CYP19A1: variants seen among roughly 807,000 people sequenced by gnomAD.
The protein encoded by CYP19A1 is aromatase.
In CYP19A1, 32 loss-of-function variants were observed where a neutral mutation model predicts 44.4. The ratio of observed to expected loss-of-function variants is 0.72; its 90% CI spans 0.54 to 0.97. The LOEUF (loss-of-function observed/expected upper bound fraction) is 0.97. CYP19A1 is among the 50% of genes least tolerant of loss of function. The pLI is 0.00. For synonymous variants in CYP19A1, 212 were observed against 215.6 expected (o/e 0.98, Z 0.14); for missense variants, 598 against 637.8 (o/e 0.94, Z 0.67).
At chr15:51,285,183 G>A (rs900987138) in intron 1 of CYP19A1, among the ~76,000 whole-genome samples, 1 of 152,110 alleles carries the variant, frequency 6.6e-6, no homozygotes, top group African/African-American at 2.4e-5. Context: ...GAATACAAGA[G>A]ACCCTAATAG....
chr15:51,268,220 G>A (rs906955534), intron 1 of CYP19A1, among the ~76,000 whole-genome samples: 2 of 152,144 alleles, frequency 1.3e-5, no homozygotes, highest in African/African-American at 4.8e-5. Context: ...AATCAAGGTG[G>A]CATTTAATTT....
chr15:51,254,495 C>G (rs2141149929), intron 1 of CYP19A1, among the ~76,000 whole-genome samples: 1 of 152,212 alleles, frequency 6.6e-6, no homozygotes, highest in African/African-American at 2.4e-5. Context: ...GGCCCCACCC[C>G]CCTCCATTTT....
chr15:51,227,988 T>C, intron 3 of CYP19A1, 55 bp from the exon 4 acceptor site: 1 of 935,954 alleles, frequency 1.1e-6, no homozygotes, highest in Non-Finnish European at 1.8e-6. Flanking sequence ...GAACTCCTGG[T>C]GGTACATTTT....
intron 1 of CYP19A1, among the ~76,000 whole-genome samples, chr15:51,303,553 G>GTT (rs57036890): frequency 2.7e-5 from 4 of 145,580 alleles, no homozygotes; most frequent in African/African-American, 2.5e-5. Flanking sequence ...ATGTAGGTGG[G>GTT]TTTTTTTTTT....
At chr15:51,222,278 C>G (rs1566875887) in intron 5 of CYP19A1, 71 bp downstream of exon 5, 3 of 1,611,706 alleles carry the variant, frequency 1.9e-6, no homozygotes, top group Non-Finnish European at 2.5e-6. Flanking sequence ...TTCCTTTGGT[C>G]TGTTATCCCT....
intron 1 of CYP19A1, among the ~76,000 whole-genome samples, chr15:51,334,647 A>G (rs574436321): frequency 8.3e-4 from 127 of 152,338 alleles, no homozygotes; most frequent in Middle Eastern, 3.4e-3. Flanking sequence ...CCATCACTCC[A>G]GGTGAAAAAG....
At chr15:51,292,002 T>C (rs980616009) in intron 1 of CYP19A1, among the ~76,000 whole-genome samples, 3 of 152,192 alleles carry the variant, frequency 2.0e-5, no homozygotes, top group African/African-American at 7.2e-5. Context: ...TCCAACACAC[T>C]GTGACCTCTC....
At position 51,222,432 on chromosome 15, in the gene CYP19A1, G is replaced by A. The variant is rs1237240555; in HGVS notation, c.545C>T (p.Ser182Leu). Reference protein sequence around the residue: ...LDRLEEVTNESGYVDVLTLLR... With the variant: ...LDRLEEVTNELGYVDVLTLLR... Reference sequence around the variant, plus strand: ...AAGGGTCAACACGTCCACATAGCCCGATTCATTGGTCACCTCCTCCAACCT... The same window carrying A: ...AAGGGTCAACACGTCCACATAGCCCAATTCATTGGTCACCTCCTCCAACCT... The change falls in exon 5 of 10, where the codon TCG becomes TTG. Residue 182 changes from serine (S) to leucine (L), a missense_variant. Transcript: ENST00000396402. 15 of 1,614,026 alleles carry A rather than the reference G, an allele frequency of 9.3e-6. No homozygotes were observed. Among genetic ancestry groups the A allele is most frequent in the Non-Finnish European group, 1.2e-5 (14 of 1,180,028 alleles).
In CYP19A1 at chr15:51,252,590, C is replaced by T. The variant is rs573906363; in HGVS notation, c.-38-9640G>A. Among the ~76,000 whole-genome samples the T allele has an allele frequency of 3.3e-5, 5 of 152,314 alleles. No homozygotes were observed. The South Asian group carries it at 6.2e-4, about 19-fold the overall frequency. ...GAAAGTGAGGGGCAAAATTGGTACC[C>T]TGATATCCCATCTGTGGGCCCTCAG... On this transcript the variant is annotated intron_variant, in intron 1 of 9. Coordinates refer to ENST00000396402, the MANE Select transcript of CYP19A1 (RefSeq NM_000103.4).
rs1316506595 is a variant in CYP19A1, at chr15:51,215,249, T to C, written c.859-17A>G. 16 of 1,613,796 alleles carry C rather than the reference T, an allele frequency of 9.9e-6. No homozygotes were observed. Among genetic ancestry groups the C allele is most frequent in the East Asian group, 2.2e-5 (1 of 44,856 alleles). On this transcript the variant is annotated splice_polypyrimidine_tract_variant and intron_variant, in intron 7 of 9. Transcript: ENST00000396402. ...ACCACGTTTCTGAACAATTGGAAGA[T>C]GGGAAAAATTTGGAAAAGTGAATCA...
At chr15:51,328,829 A>T (rs1191191345) in intron 1 of CYP19A1, among the ~76,000 whole-genome samples, 1 of 152,208 alleles carries the variant, frequency 6.6e-6, no homozygotes, top group Non-Finnish European at 1.5e-5. Flanking sequence ...GCCTCAAAAA[A>T]TCAGCTGAAG....
intron 1 of CYP19A1, among the ~76,000 whole-genome samples, chr15:51,291,429 T>C (rs2035843690): frequency 6.6e-6 from 1 of 151,966 alleles, no homozygotes; most frequent in Admixed American, 6.6e-5. Flanking sequence ...TAATAAAAAA[T>C]GGGGAAGGAG....
chr15:51,322,077 G>C (rs543491222), intron 1 of CYP19A1: 2 of 152,260 alleles, frequency 1.3e-5, no homozygotes, highest in Non-Finnish European at 2.9e-5. Context: ...TCAGCATCTG[G>C]TGTGGCCTTC....
rs753643737 is a variant in CYP19A1, at chr15:51,210,924, G to A, written c.1396C>T (p.Gln466Ter). 1 of 1,607,296 alleles carries A rather than the reference G, an allele frequency of 6.2e-7. No homozygotes were observed. The highest frequency in any genetic ancestry group is 1.1e-5 in the South Asian group (1 of 90,950). ...RRFHVKTLQGQCVESIQKIHD... is the reference protein window; with the variant it reads ...RRFHVKTLQG ...ATCTTCTGTATGCTCTCAACACACT[G>A]TCCTTGCAATGTCTTCACGTGGAAT... Residue 466 changes from glutamine (Q) to a stop codon, truncating the protein, a stop_gained, in exon 10 of 10, where the codon CAG becomes TAG. Coordinates refer to ENST00000396402, the MANE Select transcript of CYP19A1 (RefSeq NM_000103.4). LOFTEE classifies it low-confidence loss of function (END_TRUNC).
rs113312867 is a variant in CYP19A1 at position 51,271,824 on chromosome 15, T to G, written c.-38-28874A>C. ...ATCCCCCCATCAGGGTCAATGTTAC[T>G]TTGACAAAAATCTTTTCCTCTGGCA... is the stretch of plus-strand genomic sequence containing the variant. On this transcript the variant is annotated intron_variant, in intron 1 of 9. Transcript: ENST00000396402. 6.3e-3 allele frequency among the ~76,000 whole-genome samples: 961 copies of G among 152,360 alleles called. 7 individuals are homozygous for G. Among genetic ancestry groups the G allele is most frequent in the African/African-American group, 0.022 (924 of 41,596 alleles).
intron 1 of CYP19A1, among the ~76,000 whole-genome samples, chr15:51,252,919 C>T (rs978974406): frequency 1.7e-4 from 26 of 152,194 alleles, no homozygotes; most frequent in African/African-American, 6.3e-4. Context: ...AAAGTGACTA[C>T]CCTAGGAAGG....
At chr15:51,331,984 A>C (rs2141031254) in intron 1 of CYP19A1, among the ~76,000 whole-genome samples, 1 of 152,114 alleles carries the variant, frequency 6.6e-6, no homozygotes, top group East Asian at 1.9e-4. Context: ...AAAGCATATA[A>C]CTGTCTGCTT....
At chr15:51,277,976 T>TTTTTC (rs1491468496) in intron 1 of CYP19A1, 1 of 145,560 alleles carries the variant, frequency 6.9e-6, no homozygotes, top group Non-Finnish European at 1.5e-5. Flanking sequence ...TTTTTTTTTT[T>TTTTTC]CCCCAGGAAA....
intron 2 of CYP19A1, among the ~76,000 whole-genome samples, chr15:51,238,022 T>C (rs2141109594): frequency 6.6e-6 from 1 of 152,352 alleles, no homozygotes; most frequent in Middle Eastern, 3.4e-3. Context: ...ATATACATAG[T>C]GTAAGCTTTT....
Sources: gnomAD v4.1 joint callset for allele counts (sites outside exome capture counted in the v4.1 genomes callset) on GRCh38, gnomAD v4.1.1 for gene constraint, MANE v1.5 for transcripts, NCBI Gene and HGNC (gene_info 2026-07-23, HGNC 2026-07-21) for gene names.